KATNAL2: variants seen among roughly 807,000 people sequenced by gnomAD.
KATNAL2 encodes the protein katanin p60 ATPase-containing subunit A-like 2.
Under a neutral mutation model 76.3 loss-of-function variants are expected in KATNAL2, and 52 were observed. That is an observed-to-expected ratio of 0.68 (90% confidence interval 0.55 to 0.86). The LOEUF (loss-of-function observed/expected upper bound fraction) is 0.86, where lower values mean the gene tolerates loss of function less well. KATNAL2 is among the 40% of genes least tolerant of loss of function. KATNAL2 has a pLI of 0.00. For missense variants in KATNAL2, 660 were observed against 668.9 expected, an observed-to-expected ratio of 0.99 and a Z score of 0.15; for synonymous variants, 243 against 244.2, an observed-to-expected ratio of 1.00 and a Z score of 0.05.
intron 13 of KATNAL2, among the ~76,000 whole-genome samples, 153 bp downstream of exon 13, chr18:47,069,753 G>A (rs2061931872): frequency 6.6e-6 from 1 of 152,086 alleles, no homozygotes; most frequent in Non-Finnish European, 1.5e-5. Flanking sequence ...GAAATGGATT[G>A]TCTATTACGT....
At chr18:47,039,962 T>G (rs575626672) in intron 3 of KATNAL2, among the ~76,000 whole-genome samples, 29 of 152,346 alleles carry the variant, frequency 1.9e-4, no homozygotes, top group African/African-American at 6.7e-4. Flanking sequence ...CAGTGTCCAA[T>G]ATAGTCTTTA....
At position 47,084,018 on chromosome 18, in the gene KATNAL2, C is replaced by T. The variant is rs2062650233; in HGVS notation, c.1211+6557C>T. 2.0e-5 allele frequency among the ~76,000 whole-genome samples: 3 copies of T among 152,228 alleles called. No homozygotes were observed. In the South Asian group the frequency reaches 6.2e-4, roughly 32 times the overall value. ...ATACCAAGCTCTGGATTTAAAAATC[C>T]CTAACATTTAGAAGAAAACTTAAGA... On this transcript the variant is annotated intron_variant, in intron 15 of 17. Transcript: ENST00000683218.
intron 10 of KATNAL2, among the ~76,000 whole-genome samples, chr18:47,066,267 A>G (rs919153100): frequency 6.6e-6 from 1 of 152,004 alleles, no homozygotes; most frequent in Non-Finnish European, 1.5e-5. Flanking sequence ...GCCTGAAACA[A>G]CTCCTACTGA....
In KATNAL2 at chr18:47,093,304, TTTTA is replaced by T. The variant is rs1453557457; in HGVS notation, c.1212-5936_1212-5933del. 5.9e-5 allele frequency among the ~76,000 whole-genome samples: 9 copies of T among 152,204 alleles called. No homozygotes were observed. The East Asian group carries it at 1.5e-3, about 26-fold the overall frequency. ...AGTTAAGTACTAGTTAAGCATTTGCTTTTATTAATATTTCACATACAGAAAATTA... is the reference window on the plus strand; with the variant it reads ...AGTTAAGTACTAGTTAAGCATTTGCTTTAATATTTCACATACAGAAAATTA... On this transcript the variant is annotated intron_variant, in intron 15 of 17. Transcript: ENST00000683218.
At position 46,930,995 on chromosome 18, in the gene KATNAL2, C is replaced by T. The variant is rs919457897; in HGVS notation, c.-510+13069C>T. Reference sequence around the variant, plus strand: ...GCACACGCCTGTAGTCCTAGCTACTCGGGAGGCTGAAGAAGAATTGCTTGA... The same window carrying T: ...GCACACGCCTGTAGTCCTAGCTACTTGGGAGGCTGAAGAAGAATTGCTTGA... On this transcript the variant is annotated intron_variant, in intron 1 of 17. Coordinates refer to ENST00000683218, the MANE Select transcript of KATNAL2 (RefSeq NM_001387690.1). Among the ~76,000 whole-genome samples the T allele has an allele frequency of 9.2e-5, 14 of 151,688 alleles. No homozygotes were observed. In the South Asian group the frequency reaches 2.7e-3, roughly 29 times the overall value.
chr18:47,085,933 T>C (rs2062752829), intron 15 of KATNAL2, among the ~76,000 whole-genome samples: 1 of 151,838 alleles, frequency 6.6e-6, no homozygotes, highest in Non-Finnish European at 1.5e-5. Context: ...TACAAAAAAA[T>C]TGTTAAAAAA....
At chr18:47,073,045 C>T (rs946769779) in intron 13 of KATNAL2, among the ~76,000 whole-genome samples, 1 of 152,046 alleles carries the variant, frequency 6.6e-6, no homozygotes, top group Non-Finnish European at 1.5e-5. Flanking sequence ...GAAGTAGAAT[C>T]GCCAAGTCAG....
chr18:47,091,731 T>C (rs2063009061), intron 15 of KATNAL2, among the ~76,000 whole-genome samples: 1 of 152,198 alleles, frequency 6.6e-6, no homozygotes, highest in Admixed American at 6.5e-5. Context: ...CCACATCATC[T>C]ACAAGACTCC....
At chr18:47,047,774 T>A (rs143982600) in intron 4 of KATNAL2, among the ~76,000 whole-genome samples, 21 of 152,230 alleles carry the variant, frequency 1.4e-4, no homozygotes, top group African/African-American at 5.1e-4. Context: ...GGCTGCATGA[T>A]CATAGTTCAC....
At chr18:46,932,811 C>T (rs2058972727) in intron 1 of KATNAL2, among the ~76,000 whole-genome samples, 1 of 151,578 alleles carries the variant, frequency 6.6e-6, no homozygotes, top group Non-Finnish European at 1.5e-5. Context: ...GTTGCCCAGA[C>T]TGGAGTGCAA....
In KATNAL2 at chr18:46,917,698, G is replaced by A; in HGVS notation, c.-738G>A. On this transcript the variant is annotated 5_prime_UTR_variant, in exon 1 of 18. Transcript: ENST00000683218. ...CCAGGTCGTGCCTTCCCTCCCCGGC[G>A]GAGGCCCCTGCGGACTGCCTAGAGC... 2.7e-6 allele frequency: 1 copy of A among 377,082 alleles called. No homozygotes were observed. Among genetic ancestry groups the A allele is most frequent in the Non-Finnish European group, 3.7e-6 (1 of 272,906 alleles). The allele number at this position is 377,082 out of a possible 1,614,324, so 23.4% of individuals were successfully genotyped here.
intron 1 of KATNAL2, among the ~76,000 whole-genome samples, chr18:46,924,961 A>C (rs2146507134): frequency 6.6e-6 from 1 of 152,324 alleles, no homozygotes; most frequent in Non-Finnish European, 1.5e-5. Flanking sequence ...GAAGTTGCTT[A>C]TCAGCTTGAG....
chr18:46,922,947 A>C (rs1599290274), intron 1 of KATNAL2, among the ~76,000 whole-genome samples: 1 of 148,246 alleles, frequency 6.7e-6, no homozygotes, highest in African/African-American at 2.4e-5. Flanking sequence ...TGTATATATA[A>C]TATAGTTAAA....
intron 3 of KATNAL2, among the ~76,000 whole-genome samples, chr18:46,960,799 A>T (rs1043935497): frequency 2.0e-5 from 3 of 152,224 alleles, no homozygotes; most frequent in African/African-American, 7.2e-5. Context: ...CTTAACAACA[A>T]GCTCTGATAT....
chr18:46,954,538 C>T (rs1164031302), intron 3 of KATNAL2, among the ~76,000 whole-genome samples: 1 of 151,782 alleles, frequency 6.6e-6, no homozygotes, highest in South Asian at 2.1e-4. Flanking sequence ...ACCATGTTGG[C>T]CAGGATGGTC....
At chr18:46,949,105 C>G (rs187281901) in intron 3 of KATNAL2, among the ~76,000 whole-genome samples, 282 of 151,946 alleles carry the variant, frequency 1.9e-3, no homozygotes, top group Middle Eastern at 3.4e-3. Flanking sequence ...GCCATGTTGT[C>G]CAGGCTGGTC....
chr18:47,085,537 T>C (rs1214689689), intron 15 of KATNAL2, among the ~76,000 whole-genome samples: 3 of 152,170 alleles, frequency 2.0e-5, no homozygotes, highest in South Asian at 2.1e-4. Context: ...CTAAGTAAGA[T>C]TGGCCTTTAG....
chr18:47,079,426 G>T (rs2062402866), intron 15 of KATNAL2, among the ~76,000 whole-genome samples: 1 of 147,660 alleles, frequency 6.8e-6, no homozygotes. Context: ...ATGGATCCTT[G>T]CTCTGTCATC....
chr18:47,032,509 A>T (rs2060517867), intron 3 of KATNAL2: 1 of 191,282 alleles, frequency 5.2e-6, no homozygotes, highest in Admixed American at 5.3e-5. Context: ...CCACCTCCCA[A>T]AGGAGGATGG....
Sources: allele counts gnomAD v4.1 joint callset (sites outside exome capture counted in the v4.1 genomes callset), GRCh38; gene constraint gnomAD v4.1.1; transcripts MANE v1.5; gene names NCBI Gene and HGNC (gene_info 2026-07-23, HGNC 2026-07-21).